NCAM2: variants seen among roughly 807,000 people sequenced by gnomAD.
The protein encoded by NCAM2 is N-CAM-2.
Under a neutral mutation model 98.1 loss-of-function variants are expected in NCAM2, and 30 were observed. The observed-to-expected ratio is 0.31, with a 90% CI of 0.23 to 0.41. The LOEUF is 0.41. Ranked by LOEUF, NCAM2 falls within the 10% of genes least tolerant of loss-of-function variation. The pLI is 1.00. For synonymous variants in NCAM2, 368 were observed against 342.4 expected (o/e 1.07, Z -0.83); for missense variants, 867 against 1,005.8 (o/e 0.86, Z 1.87).
intron 1 of NCAM2, among the ~76,000 whole-genome samples, chr21:21,064,666 G>A (rs62207566): frequency 0.18 from 26,928 of 152,136 alleles, 2,600 homozygotes; most frequent in Non-Finnish European, 0.19. Flanking sequence ...AGAAATTCAT[G>A]TGGACAGTTT....
intron 1 of NCAM2, among the ~76,000 whole-genome samples, chr21:21,212,363 A>C (rs2069689660): frequency 6.6e-6 from 1 of 152,346 alleles, no homozygotes; most frequent in East Asian, 1.9e-4. Context: ...GATGAAGAAC[A>C]GATTATTGAT....
At chr21:21,265,708 A>G (rs2072242824) in intron 1 of NCAM2, among the ~76,000 whole-genome samples, 1 of 151,758 alleles carries the variant, frequency 6.6e-6, no homozygotes, top group Non-Finnish European at 1.5e-5. Flanking sequence ...GAGCTAAGCA[A>G]CGGATACACA....
intron 9 of NCAM2, among the ~76,000 whole-genome samples, chr21:21,384,933 A>G (rs1056435260): frequency 6.6e-6 from 1 of 152,092 alleles, no homozygotes; most frequent in Admixed American, 6.6e-5. Context: ...ATATGTAACC[A>G]TGATTGTAAT....
chr21:21,304,636 A>G, intron 5 of NCAM2, among the ~76,000 whole-genome samples: 1 of 152,140 alleles, frequency 6.6e-6, no homozygotes, highest in Non-Finnish European at 1.5e-5. Flanking sequence ...CAATTTTTAC[A>G]TATACATATG....
At chr21:21,408,862 A>G (rs2145905971) in intron 9 of NCAM2, among the ~76,000 whole-genome samples, 1 of 152,270 alleles carries the variant, frequency 6.6e-6, no homozygotes, top group African/African-American at 2.4e-5. Context: ...CATTCATTAA[A>G]GTAAAATAGG....
At position 21,495,977 on chromosome 21, in the gene NCAM2, A is replaced by C. The variant is rs139968749; in HGVS notation, c.2078-12874A>C. ...TCTTACTCTTCCCAATACATTACCC[A>C]GTGTATGTGTGTGTGTATATATATA... is the stretch of plus-strand genomic sequence containing the variant. On this transcript the variant is annotated intron_variant, in intron 15 of 17. Coordinates refer to ENST00000400546, the MANE Select transcript of NCAM2 (RefSeq NM_004540.5). 6.7e-4 allele frequency among the ~76,000 whole-genome samples: 99 copies of C among 148,048 alleles called. 1 individual carries two copies. The highest frequency in any genetic ancestry group is 2.3e-3 in the African/African-American group (92 of 40,510).
rs191607732 is a variant in NCAM2, at chr21:21,037,364, C to G, written c.55+38746C>G. 1.7e-4 allele frequency among the ~76,000 whole-genome samples: 26 copies of G among 152,178 alleles called. No individual in the cohort carries two copies. In the East Asian group the frequency reaches 4.8e-3, roughly 28 times the overall value. ...AATATAATTTTATACCCATAGTTTT[C>G]CATGTTTTCCTGTTATGTTATATGT... is the stretch of plus-strand genomic sequence containing the variant. On this transcript the variant is annotated intron_variant, in intron 1 of 17. Coordinates refer to ENST00000400546, the MANE Select transcript of NCAM2 (RefSeq NM_004540.5).
intron 8 of NCAM2, among the ~76,000 whole-genome samples, chr21:21,372,471 A>T (rs1379594744): frequency 6.6e-6 from 1 of 151,776 alleles, no homozygotes; most frequent in Non-Finnish European, 1.5e-5. Context: ...AATGCTCATT[A>T]ACCTGTCTCA....
At chr21:21,086,601 C>T (rs573010168) in intron 1 of NCAM2, among the ~76,000 whole-genome samples, 82 of 152,104 alleles carry the variant, frequency 5.4e-4, no homozygotes, top group African/African-American at 1.9e-3. Context: ...GAGATTAGAA[C>T]CATCAAGAGA....
At position 21,048,881 on chromosome 21, in the gene NCAM2, T is replaced by C. The variant is rs563585160; in HGVS notation, c.55+50263T>C. On this transcript the variant is annotated intron_variant, in intron 1 of 17. Coordinates refer to ENST00000400546, the MANE Select transcript of NCAM2 (RefSeq NM_004540.5). ...CTGTGTATCATGCATTCTTCTTTGT[T>C]GGGTTTAATTCTCCTGACCTTAGAT... Among the ~76,000 whole-genome samples, 13 of 152,316 alleles carry C rather than the reference T, an allele frequency of 8.5e-5. No individual in the cohort carries two copies. The South Asian group carries it at 2.3e-3, about 27-fold the overall frequency.
chr21:21,540,415 T>A lies in NCAM2; in HGVS notation c.*2458T>A, dbSNP rs1990187398. On this transcript the variant is annotated 3_prime_UTR_variant, in exon 18 of 18. Coordinates refer to ENST00000400546, the MANE Select transcript of NCAM2 (RefSeq NM_004540.5). The stretch of plus-strand genomic sequence containing the variant: ...AAGTGCACTGTTTCAGTTGCCCGGG[T>A]GGTCCTTACCTCTTGTCCTTGAAAT... 6.6e-6 allele frequency: 1 copy of A among 151,790 alleles called. No individual in the cohort carries two copies. Among genetic ancestry groups the A allele is most frequent in the Admixed American group, 6.6e-5 (1 of 15,176 alleles). The allele number at this position is 151,790 out of a possible 1,614,324, so 9.4% of individuals were successfully genotyped here.
At chr21:21,128,782 A>G (rs768734568) in intron 1 of NCAM2, among the ~76,000 whole-genome samples, 4 of 152,136 alleles carry the variant, frequency 2.6e-5, no homozygotes, top group Non-Finnish European at 5.9e-5. Flanking sequence ...TAATAAAACA[A>G]AAGATCAATG....
At chr21:21,525,716 A>G (rs1168169644) in intron 16 of NCAM2, among the ~76,000 whole-genome samples, 1 of 152,148 alleles carries the variant, frequency 6.6e-6, no homozygotes, top group East Asian at 1.9e-4. Flanking sequence ...CAAGAAAACC[A>G]CAGGCCAATA....
At chr21:21,377,821 C>T (rs13046214) in intron 9 of NCAM2, among the ~76,000 whole-genome samples, 36,128 of 151,686 alleles carry the variant, frequency 0.24, 4,479 homozygotes, top group East Asian at 0.28. Flanking sequence ...TGATCAATAA[C>T]TCCCCATTTC....
chr21:21,234,352 T>C (rs893711876), intron 1 of NCAM2, among the ~76,000 whole-genome samples: 1 of 151,840 alleles, frequency 6.6e-6, no homozygotes, highest in African/African-American at 2.4e-5. Flanking sequence ...CAAGACACTA[T>C]GTGAGCACAT....
At chr21:21,243,711 C>G (rs540052021) in intron 1 of NCAM2, among the ~76,000 whole-genome samples, 2 of 152,096 alleles carry the variant, frequency 1.3e-5, no homozygotes, top group Non-Finnish European at 2.9e-5. Context: ...AGAAGATGGA[C>G]GTGTTCCATG....
chr21:21,316,700 C>A (rs972283998), intron 5 of NCAM2, among the ~76,000 whole-genome samples: 12 of 151,776 alleles, frequency 7.9e-5, no homozygotes, highest in Non-Finnish European at 1.3e-4. Flanking sequence ...CCTACCACCA[C>A]GCTCAGCTAA....
intron 1 of NCAM2, among the ~76,000 whole-genome samples, chr21:21,006,751 A>G (rs990536994): frequency 5.9e-5 from 9 of 152,190 alleles, no homozygotes; most frequent in Non-Finnish European, 1.3e-4. Context: ...TTGAAAGTGC[A>G]GCTGAAGAAG....
chr21:21,072,305 G>A (rs2065589006), intron 1 of NCAM2, among the ~76,000 whole-genome samples: 1 of 152,092 alleles, frequency 6.6e-6, no homozygotes, highest in African/African-American at 2.4e-5. Context: ...TTCTTTCTCA[G>A]TAATATATTG....
Sources: allele counts gnomAD v4.1 joint callset (sites outside exome capture counted in the v4.1 genomes callset), GRCh38; gene constraint gnomAD v4.1.1; transcripts MANE v1.5; gene names NCBI Gene and HGNC (gene_info 2026-07-23, HGNC 2026-07-21).